Variants in GLI3 observed in about 807,000 individuals in gnomAD.
GLI3 encodes the protein GLI family zinc finger 3.
GLI3 carries 20 observed loss-of-function variants against 100.8 expected under a neutral mutation model. The observed-to-expected ratio is 0.20, with a 90% CI of 0.14 to 0.29. The LOEUF (loss-of-function observed/expected upper bound fraction) is 0.29. Ranked by LOEUF, GLI3 falls within the 10% of genes least tolerant of loss-of-function variation. GLI3 has a pLI of 1.00. For synonymous variants in GLI3, 938 were observed against 860.5 expected, an observed-to-expected ratio of 1.09 and a Z score of -1.58; for missense variants, 2,040 against 2,128.5, an observed-to-expected ratio of 0.96 and a Z score of 0.82.
Position 42,052,044 on chromosome 7 carries a change from A to G in GLI3, c.474-3348T>C, listed in dbSNP as rs948583983. ...AACCACTCATCTTTTTGCCCTCGCCATAGTTTTGCCTTTTCCAGAATGTCA... is the reference window on the plus strand; with the variant it reads ...AACCACTCATCTTTTTGCCCTCGCCGTAGTTTTGCCTTTTCCAGAATGTCA... On this transcript the variant is annotated intron_variant, in intron 4 of 14. Transcript: ENST00000395925. Among the ~76,000 whole-genome samples the G allele has an allele frequency of 3.9e-5, 6 of 152,240 alleles. No homozygotes were observed. The East Asian group carries it at 1.2e-3, about 29-fold the overall frequency.
intron 10 of GLI3, among the ~76,000 whole-genome samples, chr7:41,980,766 T>C (rs967265136): frequency 2.0e-5 from 3 of 152,194 alleles, no homozygotes; most frequent in African/African-American, 7.2e-5. Flanking sequence ...CCATGTCTTA[T>C]TAGTTCCCTG....
intron 3 of GLI3, among the ~76,000 whole-genome samples, chr7:42,143,373 A>C (rs2128783717): frequency 6.6e-6 from 1 of 152,372 alleles, no homozygotes; most frequent in Admixed American, 6.5e-5. Context: ...TGGTCAAGAC[A>C]AAACTGTTCA....
chr7:42,010,314 T>C (rs1201779197), intron 10 of GLI3, among the ~76,000 whole-genome samples: 1 of 152,182 alleles, frequency 6.6e-6, no homozygotes, highest in Admixed American at 6.5e-5. Flanking sequence ...GGACGGTAAA[T>C]AACACAGGGC....
intron 3 of GLI3, among the ~76,000 whole-genome samples, chr7:42,130,126 T>C (rs1441634311): frequency 6.6e-6 from 1 of 152,114 alleles, no homozygotes; most frequent in Non-Finnish European, 1.5e-5. Context: ...ACCCAAGCCA[T>C]ACCGGTTCTT....
intron 2 of GLI3, among the ~76,000 whole-genome samples, chr7:42,167,024 G>A (rs1054044991): frequency 1.3e-5 from 2 of 151,920 alleles, no homozygotes; most frequent in Non-Finnish European, 1.5e-5. Flanking sequence ...ACCGGGTTTC[G>A]CCATGTTGGC....
In GLI3 at chr7:41,966,770, G is replaced by T; in HGVS notation, c.2432-129C>A. 1.1e-6 allele frequency: 1 copy of T among 899,820 alleles called. No individual in the cohort carries two copies. Among genetic ancestry groups the T allele is most frequent in the Non-Finnish European group, 1.8e-6 (1 of 561,596 alleles). The allele number at this position is 899,820 out of a possible 1,614,324, so 55.7% of individuals were successfully genotyped here. Reference sequence around the variant, plus strand: ...TATTTCTGGTGTCCCAGGCCACATTGCCTGCCTCACAACTACTCAGCTCTG... The same window carrying T: ...TATTTCTGGTGTCCCAGGCCACATTTCCTGCCTCACAACTACTCAGCTCTG... On this transcript the variant is annotated intron_variant, in intron 14 of 14. Transcript: ENST00000395925. This position sits in a 1 kb window ranked among gnomAD's most constrained non-coding sequence, Gnocchi z 5.8.
intron 2 of GLI3, among the ~76,000 whole-genome samples, chr7:42,207,177 T>C (rs752509707): frequency 2.6e-5 from 4 of 152,148 alleles, no homozygotes; most frequent in Admixed American, 2.0e-4. Context: ...TTATGCCCAA[T>C]AGAAATGTGT....
intron 2 of GLI3, among the ~76,000 whole-genome samples, chr7:42,196,652 A>G (rs543859454): frequency 6.6e-6 from 1 of 152,334 alleles, no homozygotes; most frequent in South Asian, 2.1e-4. Flanking sequence ...CCTGGTGAAG[A>G]CAACACTGCT....
At chr7:42,189,986 A>G (rs1351286893) in intron 2 of GLI3, among the ~76,000 whole-genome samples, 1 of 113,840 alleles carries the variant, frequency 8.8e-6, no homozygotes, top group Non-Finnish European at 2.0e-5. Context: ...ACACACACAC[A>G]CACACACACA....
upstream of GLI3, among the ~76,000 whole-genome samples, chr7:42,237,525 C>G (rs995540077): frequency 6.6e-6 from 1 of 151,800 alleles, no homozygotes; most frequent in African/African-American, 2.4e-5. Context: ...CCCTCGGCTC[C>G]GCGCTCCCCT....
chr7:42,187,770 C>T (rs1213157575), intron 2 of GLI3, among the ~76,000 whole-genome samples: 3 of 151,772 alleles, frequency 2.0e-5, no homozygotes, highest in South Asian at 4.2e-4. Context: ...TTTGGGAGGC[C>T]GAGACCGGTG....
chr7:42,171,882 T>C (rs1320241212), intron 2 of GLI3, among the ~76,000 whole-genome samples: 1 of 152,142 alleles, frequency 6.6e-6, no homozygotes, highest in Non-Finnish European at 1.5e-5. Flanking sequence ...CTTAGAAATT[T>C]TAATGGTATT....
Position 42,147,858 on chromosome 7 carries a change from C to G in GLI3, c.367+368G>C, listed in dbSNP as rs545423791. Among the ~76,000 whole-genome samples, 52 of 152,176 alleles carry G rather than the reference C, an allele frequency of 3.4e-4. 1 individual carries two copies. The highest frequency in any genetic ancestry group is 4.2e-4 in the South Asian group (2 of 4,800). ...CTGTTGAGCACTTCTCTTAATGCAG[C>G]CTGCTTTCATAACTTCATAACAACA... On this transcript the variant is annotated intron_variant, in intron 3 of 14. Coordinates refer to ENST00000395925, the MANE Select transcript of GLI3 (RefSeq NM_000168.6).
intron 10 of GLI3, among the ~76,000 whole-genome samples, chr7:41,990,935 C>G (rs954155594): frequency 4.0e-5 from 6 of 151,804 alleles, no homozygotes; most frequent in Admixed American, 2.0e-4. Context: ...CACAGAAGCA[C>G]AGGCACGTCT....
intron 7 of GLI3, among the ~76,000 whole-genome samples, chr7:42,036,940 G>A (rs1040977821): frequency 9.2e-5 from 14 of 152,136 alleles, no homozygotes; most frequent in African/African-American, 3.1e-4. Context: ...TCAGGAGTTC[G>A]AGACCAGGCT....
At chr7:42,262,191 A>AT (rs1300885860) in intron 1 of GLI3, among the ~76,000 whole-genome samples, 12 of 34,706 alleles carry the variant, frequency 3.5e-4, no homozygotes, top group Non-Finnish European at 6.8e-4. Flanking sequence ...TCTTTCTTTT[A>AT]TTTTTTTTCC....
chr7:42,044,452 G>T (rs1441964489), intron 6 of GLI3, among the ~76,000 whole-genome samples: 2 of 152,168 alleles, frequency 1.3e-5, no homozygotes, highest in Non-Finnish European at 1.5e-5. Flanking sequence ...ACTTGTCTAT[G>T]CGTCTACATA....
At chr7:42,150,473 A>G (rs781543731) in intron 2 of GLI3, among the ~76,000 whole-genome samples, 62 of 152,192 alleles carry the variant, frequency 4.1e-4, no homozygotes, top group Non-Finnish European at 8.7e-4. Context: ...CCCATAACCT[A>G]CAAATGGCCC....
chr7:42,152,138 T>C (rs2128789128), intron 2 of GLI3: 1 of 152,360 alleles, frequency 6.6e-6, no homozygotes, highest in Admixed American at 6.5e-5. Context: ...AGGTGATTCC[T>C]TCAAGATAAA....
Sources: gnomAD v4.1 joint callset for allele counts (sites outside exome capture counted in the v4.1 genomes callset) on GRCh38, gnomAD v4.1.1 for gene constraint, Gnocchi (gnomAD v3.1) non-coding constraint, MANE v1.5 for transcripts, NCBI Gene and HGNC (gene_info 2026-07-23, HGNC 2026-07-21) for gene names.